MCM8: variants seen among roughly 807,000 people sequenced by gnomAD.
MCM8 encodes minichromosome maintenance 8 homologous recombination repair factor, also known as DNA helicase MCM8.
MCM8 carries 85 observed loss-of-function variants against 98.9 expected under a neutral mutation model. The observed-to-expected ratio is 0.86, with a 90% CI of 0.72 to 1.03. The LOEUF (loss-of-function observed/expected upper bound fraction) is 1.03, where lower values mean the gene tolerates loss of function less well. Ranked by LOEUF, MCM8 falls within the 50% of genes least tolerant of loss-of-function variation. The pLI, the probability that MCM8 is intolerant of heterozygous loss-of-function variation, is 0.00. For missense variants in MCM8, 951 were observed against 997.8 expected (o/e 0.95, Z 0.63); for synonymous variants, 352 against 338.6 (o/e 1.04, Z -0.44).
rs370817051 is a variant in MCM8 at position 5,954,666 on chromosome 20, A to G, written c.312A>G (p.Thr104=). Residue 104 remains threonine (T), a synonymous_variant, in exon 4 of 19, where the codon ACA becomes ACG. Coordinates refer to ENST00000610722, the MANE Select transcript of MCM8 (RefSeq NM_032485.6). ...EKIQAFEKFF[T]RHIDLYDKDE... ...TTCAAGCATTTGAAAAATTTTTCAC[A>G]AGGCATATTGATTTGTATGACAAGG... The G allele has an allele frequency of 2.5e-6, 4 of 1,607,296 alleles. No individual in the cohort carries two copies. In the African/African-American group the frequency reaches 5.3e-5, roughly 21 times the overall value.
rs1418808630 is a variant in MCM8 at position 5,950,718 on chromosome 20, G to C, written c.-311G>C. On this transcript the variant is annotated 5_prime_UTR_variant, in exon 1 of 19. Transcript: ENST00000610722. The stretch of plus-strand genomic sequence containing the variant: ...TTAGGGGAAGACCTGATTTTCGCTT[G>C]AGGCATTTTTGCGGCGCTGTGCGCT... 4.8e-5 allele frequency: 13 copies of C among 268,974 alleles called. 1 individual carries two copies. The South Asian group carries it at 9.6e-4, about 20-fold the overall frequency. 16.7% of individuals were successfully genotyped at this position (268,974 alleles called of 1,614,324 possible). A position where few individuals can be genotyped will look rare whatever the true frequency, so the allele number is the denominator to read the frequency against.
At chr20:5,972,896 A>T (rs1454472136) in intron 11 of MCM8, among the ~76,000 whole-genome samples, 160 bp from the exon 12 acceptor site, 2 of 152,212 alleles carry the variant, frequency 1.3e-5, no homozygotes, top group African/African-American at 4.8e-5. Flanking sequence ...CATTTACGTG[A>T]TAGAAGTTTG....
In MCM8 at chr20:5,994,385, T is replaced by G; in HGVS notation, c.2517T>G (p.Thr839=). Residue 839 remains threonine (T), a synonymous_variant, in exon 19 of 19, where the codon ACT becomes ACG. Coordinates refer to ENST00000610722, the MANE Select transcript of MCM8 (RefSeq NM_032485.6). ...GCCCAAAAGTTTACCAGCTTCAAAC[T>G]ATGTAAAAGGACTTCACCAAGTTAG... ...KKGPKVYQLQ[T]M 6.3e-7 allele frequency: 1 copy of G among 1,578,276 alleles called. No individual in the cohort carries two copies. Among genetic ancestry groups the G allele is most frequent in the South Asian group, 1.1e-5 (1 of 89,880 alleles).
At chr20:5,972,075 A>T in intron 11 of MCM8, 38 bp downstream of exon 11, 1 of 1,518,396 alleles carries the variant, frequency 6.6e-7, no homozygotes. Context: ...AAAAGTATAT[A>T]AGGTTAGCAA....
rs2089701184 is a variant in MCM8, at chr20:5,984,980, C to T, written c.1933C>T (p.Pro645Ser). The change falls in exon 15 of 19, where the codon CCA (proline) becomes TCA (serine). Residue 645 changes from proline to serine, a missense_variant. Transcript: ENST00000610722. ...CGTACTTGAAGTAGTTTCTGAGAAG[C>T]CATTATCAGAAAGACTAAAGGTATA... ...TSVLEVVSEKPLSERLKVVPG... is the reference protein window; with the variant it reads ...TSVLEVVSEKSLSERLKVVPG... The T allele has an allele frequency of 1.2e-6, 2 of 1,612,696 alleles. No homozygotes were observed. Among genetic ancestry groups the T allele is most frequent in the Non-Finnish European group, 8.5e-7 (1 of 1,178,856 alleles).
chr20:5,982,955 C>A lies in MCM8; in HGVS notation c.1538-15C>A. 6.3e-7 allele frequency: 1 copy of A among 1,596,736 alleles called. No individual in the cohort carries two copies. The highest frequency in any genetic ancestry group is 8.5e-7 in the Non-Finnish European group (1 of 1,174,440). ...GAAAAAATGTTTTTTCTGCTTTATTCTACTTCGATTGTAGGTATTTGTGGA... is the reference window on the plus strand; with the variant it reads ...GAAAAAATGTTTTTTCTGCTTTATTATACTTCGATTGTAGGTATTTGTGGA... On this transcript the variant is annotated splice_polypyrimidine_tract_variant and intron_variant, in intron 13 of 18. Transcript: ENST00000610722.
intron 7 of MCM8, among the ~76,000 whole-genome samples, chr20:5,962,004 A>G (rs532342804): frequency 1.2e-4 from 18 of 152,376 alleles, no homozygotes; most frequent in African/African-American, 4.1e-4. Flanking sequence ...GGAGTTTGGA[A>G]GAACTACTCA....
chr20:5,960,555 G>GT (rs1260466094), intron 7 of MCM8, among the ~76,000 whole-genome samples: 2 of 152,060 alleles, frequency 1.3e-5, no homozygotes, highest in African/African-American at 4.8e-5. Context: ...AACTTTGTGG[G>GT]TTTTTTTGTT....
intron 8 of MCM8, chr20:5,965,039 CTT>C (rs1167073940): frequency 6.6e-6 from 1 of 152,180 alleles, no homozygotes; most frequent in Non-Finnish European, 1.5e-5. Context: ...ATCTTCTAGA[CTT>C]TCTCCGTTCC....
chr20:5,954,308 A>G (rs976992055), intron 3 of MCM8, among the ~76,000 whole-genome samples: 8 of 152,148 alleles, frequency 5.3e-5, no homozygotes, highest in Non-Finnish European at 1.0e-4. Flanking sequence ...GTTTAAGCTT[A>G]TTGTCTAAAT....
intron 13 of MCM8, among the ~76,000 whole-genome samples, chr20:5,979,682 C>T (rs1395510383): frequency 6.6e-6 from 1 of 152,178 alleles, no homozygotes; most frequent in Admixed American, 6.5e-5. Flanking sequence ...ACCACTTCTT[C>T]ATTACCCTGG....
In MCM8 at chr20:5,993,690, A is replaced by T; in HGVS notation, c.2425A>T (p.Ile809Phe). The T allele has an allele frequency of 6.3e-7, 1 of 1,598,380 alleles. No homozygotes were observed. The highest frequency in any genetic ancestry group is 1.3e-5 in the African/African-American group (1 of 74,560). Reference sequence around the variant, plus strand: ...TCGGCAGATTGCCAAAGAACTAAACATTCAGGTATGTTAAACTAGTTAATC... The same window carrying T: ...TCGGCAGATTGCCAAAGAACTAAACTTTCAGGTATGTTAAACTAGTTAATC... ...QLRQIAKELN[I>F]QVADFENFIG... The change falls in exon 18 of 19, where the codon ATT becomes TTT. Residue 809 changes from isoleucine (I) to phenylalanine (F), a missense_variant. Coordinates refer to ENST00000610722, the MANE Select transcript of MCM8 (RefSeq NM_032485.6).
intron 17 of MCM8, chr20:5,991,532 C>G (rs2089852320): frequency 6.6e-6 from 1 of 152,058 alleles, no homozygotes; most frequent in Non-Finnish European, 1.5e-5. Flanking sequence ...CAGATTGTTT[C>G]CCTGAATTGT....
rs762710702 is a variant in MCM8, at chr20:5,994,406, G to C, written c.*15G>C. 6.4e-7 allele frequency: 1 copy of C among 1,552,860 alleles called. No individual in the cohort carries two copies. Among genetic ancestry groups the C allele is most frequent in the African/African-American group, 1.4e-5 (1 of 72,428 alleles). The stretch of plus-strand genomic sequence containing the variant: ...AAACTATGTAAAAGGACTTCACCAA[G>C]TTAGGGCCTCCTGGGTTTATTGCAG... On this transcript the variant is annotated 3_prime_UTR_variant, in exon 19 of 19. Coordinates refer to ENST00000610722, the MANE Select transcript of MCM8 (RefSeq NM_032485.6).
Position 5,953,976 on chromosome 20 carries a change from ACT to A in MCM8, c.254-630_254-629del, listed in dbSNP as rs2088904878. Among the ~76,000 whole-genome samples, 5 of 152,108 alleles carry A rather than the reference ACT, an allele frequency of 3.3e-5. No individual in the cohort carries two copies. In the South Asian group the frequency reaches 1.0e-3, roughly 32 times the overall value. On this transcript the variant is annotated intron_variant, in intron 3 of 18. Transcript: ENST00000610722. ...CCTTTAGGATGTATTAGCCACCAGC[ACT>A]CCCATTGCTCCCCTAGCAGATAGCT...
intron 12 of MCM8, 133 bp downstream of exon 12, chr20:5,973,329 T>G: frequency 2.7e-6 from 3 of 1,110,748 alleles, no homozygotes; most frequent in East Asian, 2.5e-5. Context: ...GAATTGGAAT[T>G]TGTGTGAGTA....
rs1568571891 is a variant in MCM8, at chr20:5,958,720, C to T, written c.783C>T (p.Pro261=). The stretch of plus-strand genomic sequence containing the variant: ...TTCCAGATGGAAAATACAGTCTTCC[C>T]ACAAAGGTAATACGTTCTTTAACTG... ...FPLPDGKYSL[P]TKCPVPVCRG... Residue 261 remains proline, a synonymous_variant, in exon 7 of 19, where the codon CCC becomes CCT. Transcript: ENST00000610722. The T allele has an allele frequency of 1.9e-6, 3 of 1,613,966 alleles. No homozygotes were observed. The highest frequency in any genetic ancestry group is 2.5e-6 in the Non-Finnish European group (3 of 1,179,894).
chr20:5,967,107 CTTTAT>C (rs1568578677), intron 8 of MCM8, among the ~76,000 whole-genome samples: 1 of 152,134 alleles, frequency 6.6e-6, no homozygotes, highest in African/African-American at 2.4e-5. Context: ...GTATTCTGGA[CTTTAT>C]TTTGTTTTAT....
At chr20:5,988,368 G>A (rs1475790499) in intron 17 of MCM8, among the ~76,000 whole-genome samples, 1 of 151,920 alleles carries the variant, frequency 6.6e-6, no homozygotes, top group Non-Finnish European at 1.5e-5. Context: ...AGGCTGAGGC[G>A]GGAGATTTGC....
Sources: gnomAD v4.1 joint callset for allele counts (sites outside exome capture counted in the v4.1 genomes callset) on GRCh38, gnomAD v4.1.1 for gene constraint, MANE v1.5 for transcripts, NCBI Gene and HGNC (gene_info 2026-07-23, HGNC 2026-07-21) for gene names.